The following PRKG1 variants were observed in gnomAD, a reference collection of about 807,000 sequenced individuals.
The protein encoded by PRKG1 is cGMP-dependent protein kinase 1.
A neutral mutation model predicts 88.1 loss-of-function variants in PRKG1; 35 were observed. The ratio of observed to expected loss-of-function variants is 0.40; its 90% CI spans 0.30 to 0.53. The LOEUF (loss-of-function observed/expected upper bound fraction) is 0.53. Ranked by LOEUF, PRKG1 falls within the 20% of genes least tolerant of loss-of-function variation. The pLI, the probability that PRKG1 is intolerant of heterozygous loss-of-function variation, is 0.59. For synonymous variants in PRKG1, 303 were observed against 292.5 expected (o/e 1.04, Z -0.37); for missense variants, 540 against 839.8 (o/e 0.64, Z 4.41).
At chr10:52,161,827 A>T in intron 8 of PRKG1, 62 bp from the exon 9 acceptor site, 1 of 1,377,106 alleles carries the variant, frequency 7.3e-7, no homozygotes, top group South Asian at 1.2e-5. Context: ...TATATCACTG[A>T]CTAGGTTGCC....
chr10:51,255,053 A>G (rs896095413), intron 2 of PRKG1, among the ~76,000 whole-genome samples: 2 of 152,168 alleles, frequency 1.3e-5, no homozygotes, highest in African/African-American at 4.8e-5. Flanking sequence ...AATTTGTTCA[A>G]TAATGCAGTG....
intron 2 of PRKG1, among the ~76,000 whole-genome samples, chr10:51,266,631 A>G (rs1472673278): frequency 1.3e-5 from 2 of 152,242 alleles, no homozygotes; most frequent in East Asian, 3.8e-4. Context: ...TTACAACAGA[A>G]CTTTCTCATT....
chr10:52,282,636 T>A (rs1388360217), intron 14 of PRKG1, among the ~76,000 whole-genome samples: 2 of 152,106 alleles, frequency 1.3e-5, no homozygotes, highest in Non-Finnish European at 2.9e-5. Flanking sequence ...GGGGAGATGA[T>A]AATCATATAA....
chr10:52,119,897 A>G (rs1847775401), intron 7 of PRKG1, among the ~76,000 whole-genome samples: 1 of 152,064 alleles, frequency 6.6e-6, no homozygotes, highest in African/African-American at 2.4e-5. Flanking sequence ...GAGCACAGGC[A>G]TGAGAGAGAG....
At chr10:52,126,254 G>C (rs905949321) in intron 7 of PRKG1, among the ~76,000 whole-genome samples, 7 of 151,950 alleles carry the variant, frequency 4.6e-5, no homozygotes, top group Admixed American at 3.9e-4. Context: ...TGCAAGGTCA[G>C]GCATACAAAA....
intron 9 of PRKG1, among the ~76,000 whole-genome samples, chr10:52,178,517 C>G (rs10824206): frequency 1.3e-5 from 2 of 151,530 alleles, no homozygotes; most frequent in Admixed American, 1.3e-4. Context: ...TTCATTTGCT[C>G]GATGGTGTAC....
intron 4 of PRKG1, among the ~76,000 whole-genome samples, chr10:51,887,706 C>T (rs1207854777): frequency 2.0e-5 from 3 of 152,098 alleles, no homozygotes; most frequent in Non-Finnish European, 2.9e-5. Flanking sequence ...GTATACCTAC[C>T]GGCATTTTGT....
intron 2 of PRKG1, among the ~76,000 whole-genome samples, chr10:51,371,650 A>G (rs1489005070): frequency 1.3e-5 from 2 of 152,098 alleles, no homozygotes; most frequent in Non-Finnish European, 2.9e-5. Flanking sequence ...GCATGCTGTT[A>G]AATGGTCAGT....
chr10:51,624,507 C>T (rs1839286207), intron 3 of PRKG1, among the ~76,000 whole-genome samples: 1 of 152,176 alleles, frequency 6.6e-6, no homozygotes, highest in Non-Finnish European at 1.5e-5. Context: ...TCTTTCATAT[C>T]ACTGCTTCAG....
At chr10:51,234,822 C>T (rs1056476951) in intron 2 of PRKG1, among the ~76,000 whole-genome samples, 17 of 151,872 alleles carry the variant, frequency 1.1e-4, no homozygotes, top group South Asian at 1.0e-3. Context: ...AATATTTCAC[C>T]GAAAACAAAC....
intron 3 of PRKG1, among the ~76,000 whole-genome samples, chr10:51,538,724 T>A (rs1842227457): frequency 6.6e-6 from 1 of 151,548 alleles, no homozygotes; most frequent in African/African-American, 2.4e-5. Context: ...ATGCTTCAGT[T>A]AATGGTCACA....
At chr10:51,685,777 C>G (rs34383029) in intron 3 of PRKG1, among the ~76,000 whole-genome samples, 10,656 of 152,056 alleles carry the variant, frequency 0.07, 414 homozygotes, top group African/African-American at 0.11. Context: ...CTTGGGGTGA[C>G]CAGCCATGAT....
chr10:51,274,769 A>G (rs1391893831), intron 2 of PRKG1, among the ~76,000 whole-genome samples: 2 of 152,232 alleles, frequency 1.3e-5, no homozygotes, highest in Non-Finnish European at 2.9e-5. Context: ...GAGAAAAATT[A>G]TGTGAGAAAT....
chr10:51,571,784 A>G (rs1422595624), intron 3 of PRKG1, among the ~76,000 whole-genome samples: 2 of 151,932 alleles, frequency 1.3e-5, no homozygotes, highest in Non-Finnish European at 2.9e-5. Context: ...TCTGTTTGGC[A>G]GATTTTGAAT....
At chr10:51,782,217 T>C (rs79320555) in intron 3 of PRKG1, among the ~76,000 whole-genome samples, 2,750 of 152,234 alleles carry the variant, frequency 0.018, 70 homozygotes, top group African/African-American at 0.061. Flanking sequence ...GTTCAACTTA[T>C]GATTTTTTGA....
At chr10:51,424,977 T>C (rs1467992414) in intron 2 of PRKG1, among the ~76,000 whole-genome samples, 1 of 152,170 alleles carries the variant, frequency 6.6e-6, no homozygotes, top group Non-Finnish European at 1.5e-5. Context: ...ACACTTTAAA[T>C]CTTCTGAACA....
intron 3 of PRKG1, among the ~76,000 whole-genome samples, chr10:51,776,456 C>T (rs1313479880): frequency 6.6e-6 from 1 of 151,930 alleles, no homozygotes; most frequent in African/African-American, 2.4e-5. Context: ...ATTTTAAGAC[C>T]CAGTATAAAT....
At chr10:51,809,601 A>G (rs1265990711) in intron 4 of PRKG1, among the ~76,000 whole-genome samples, 1 of 152,194 alleles carries the variant, frequency 6.6e-6, no homozygotes, top group East Asian at 1.9e-4. Context: ...CAAATTATGA[A>G]GCTGATGAGG....
At chr10:51,576,789 T>TC (rs1754748311) in intron 3 of PRKG1, among the ~76,000 whole-genome samples, 1 of 151,914 alleles carries the variant, frequency 6.6e-6, no homozygotes, top group African/African-American at 2.4e-5. Context: ...TTTCTTTTTT[T>TC]TAACTGAATT....
Sources: allele counts gnomAD v4.1 joint callset (sites outside exome capture counted in the v4.1 genomes callset), GRCh38; gene constraint gnomAD v4.1.1; transcripts MANE v1.5; gene names NCBI Gene and HGNC (gene_info 2026-07-23, HGNC 2026-07-21).